The following CENPP variants were observed in gnomAD, a reference collection of about 807,000 sequenced individuals.
The protein encoded by CENPP is centromere protein P.
In CENPP, 24 loss-of-function variants were observed where a neutral mutation model predicts 35.6. The observed-to-expected ratio is 0.67, with a 90% CI of 0.49 to 0.95. The LOEUF is 0.95. Among genes scored for constraint, CENPP ranks in the 40% least tolerant of loss-of-function variants. The pLI is 0.00. For synonymous variants in CENPP, 120 were observed against 125.5 expected, an observed-to-expected ratio of 0.96 and a Z score of 0.29; for missense variants, 332 against 345.3, an observed-to-expected ratio of 0.96 and a Z score of 0.31.
chr9:92,499,070 A>G (rs1484186731), intron 5 of CENPP, among the ~76,000 whole-genome samples: 1 of 152,222 alleles, frequency 6.6e-6, no homozygotes, highest in African/African-American at 2.4e-5. Context: ...GGTCTGCAGT[A>G]GGTAATGCAG....
intron 5 of CENPP, among the ~76,000 whole-genome samples, chr9:92,443,236 A>C (rs1844466186): frequency 6.6e-6 from 1 of 152,256 alleles, no homozygotes; most frequent in African/African-American, 2.4e-5. Context: ...CAGTGTAATC[A>C]GCAGGATTTA....
intron 4 of CENPP, among the ~76,000 whole-genome samples, chr9:92,361,128 C>CTTTATTTATTTATTTATTTATTTA (rs536927713): frequency 8.4e-4 from 126 of 150,586 alleles, no homozygotes; most frequent in Non-Finnish European, 1.6e-3. Context: ...TATTATTTTA[C>CTTTATTTATTTATTTATTTATTTA]TTTATTTATT....
chr9:92,400,708 T>C (rs535467965), intron 5 of CENPP, among the ~76,000 whole-genome samples: 83 of 152,372 alleles, frequency 5.4e-4, no homozygotes, highest in African/African-American at 1.9e-3. Flanking sequence ...TGTGTAATTA[T>C]TGATGTATAT....
chr9:92,546,538 A>G (rs140372493), intron 5 of CENPP, among the ~76,000 whole-genome samples: 2,320 of 152,058 alleles, frequency 0.015, 44 homozygotes, highest in African/African-American at 0.053. Flanking sequence ...TGTAATAGTC[A>G]ACGCCAAGGT....
intron 5 of CENPP, chr9:92,515,104 T>A (rs1388319679): frequency 6.2e-7 from 1 of 1,613,950 alleles, no homozygotes; most frequent in African/African-American, 1.3e-5. Context: ...AGGTGGCAGT[T>A]GCTTATGAAG....
At chr9:92,387,378 GA>G (rs574588556) in intron 5 of CENPP, among the ~76,000 whole-genome samples, 4,980 of 117,000 alleles carry the variant, frequency 0.043, 107 homozygotes, top group South Asian at 0.1. Context: ...TCCATCTCAA[GA>G]AAAAAAAAAA....
chr9:92,507,932 G>A (rs1260778003), intron 5 of CENPP, among the ~76,000 whole-genome samples: 2 of 152,076 alleles, frequency 1.3e-5, no homozygotes, highest in African/African-American at 4.8e-5. Flanking sequence ...CACCTTCACC[G>A]TGCCTGCTTG....
intron 5 of CENPP, among the ~76,000 whole-genome samples, chr9:92,530,492 T>C (rs1848679619): frequency 6.6e-6 from 1 of 152,196 alleles, no homozygotes; most frequent in Non-Finnish European, 1.5e-5. Context: ...AGAATATCAA[T>C]AAGGATTTTA....
intron 4 of CENPP, among the ~76,000 whole-genome samples, chr9:92,376,061 C>A (rs1842119200): frequency 6.6e-6 from 1 of 152,180 alleles, no homozygotes; most frequent in Non-Finnish European, 1.5e-5. Flanking sequence ...TCTTTCACAA[C>A]CCTGCCTTAG....
intron 5 of CENPP, chr9:92,389,541 G>A (rs185760149): frequency 1.1e-4 from 20 of 187,488 alleles, no homozygotes; most frequent in Admixed American, 1.2e-4. Flanking sequence ...TTGAGCTTTC[G>A]TAGACTGTAA....
intron 5 of CENPP, among the ~76,000 whole-genome samples, chr9:92,474,191 A>G (rs1179126986): frequency 6.6e-6 from 1 of 152,264 alleles, no homozygotes; most frequent in Non-Finnish European, 1.5e-5. Context: ...ATAAAGCATT[A>G]TCTTTAAAAG....
chr9:92,554,703 T>C (rs950123094), intron 5 of CENPP, among the ~76,000 whole-genome samples: 3 of 152,096 alleles, frequency 2.0e-5, no homozygotes, highest in Non-Finnish European at 4.4e-5. Context: ...AGTGGCACAA[T>C]CTCGGTTTAC....
chr9:92,529,811 T>C (rs1190518023), intron 5 of CENPP, among the ~76,000 whole-genome samples: 2 of 152,158 alleles, frequency 1.3e-5, no homozygotes, highest in Non-Finnish European at 2.9e-5. Context: ...GAGGGATGAA[T>C]AGGTGGAACA....
At chr9:92,457,392 T>C (rs1404454630) in intron 5 of CENPP, 31 of 1,613,754 alleles carry the variant, frequency 1.9e-5, no homozygotes, top group Non-Finnish European at 2.5e-5. Context: ...AATAAACTTA[T>C]TGCACTGTAT....
At chr9:92,507,489 G>A (rs1280571511) in intron 5 of CENPP, among the ~76,000 whole-genome samples, 1 of 152,192 alleles carries the variant, frequency 6.6e-6, no homozygotes, top group Non-Finnish European at 1.5e-5. Flanking sequence ...ATAGGAAATA[G>A]GAGGTAACAG....
chr9:92,619,526 A>T lies in CENPP; in HGVS notation c.*6377A>T. The T allele has an allele frequency of 6.3e-7, 1 of 1,593,392 alleles. No individual in the cohort carries two copies. Among genetic ancestry groups the T allele is most frequent in the South Asian group, 1.1e-5 (1 of 86,964 alleles). ...CAGGGAGACAGTGCAATCATGATGG[A>T]GCAGTCCTTGGCAGTCATGGCGACG... is the stretch of plus-strand genomic sequence containing the variant. On this transcript the variant is annotated 3_prime_UTR_variant, in exon 8 of 8. Transcript: ENST00000375587.
At chr9:92,564,994 TA>T (rs536975282) in intron 5 of CENPP, among the ~76,000 whole-genome samples, 44 of 152,262 alleles carry the variant, frequency 2.9e-4, no homozygotes, top group African/African-American at 5.1e-4. Flanking sequence ...ATAAAGTAGT[TA>T]AAAAAATTAC....
intron 5 of CENPP, among the ~76,000 whole-genome samples, chr9:92,429,464 C>T (rs1345186959): frequency 1.3e-5 from 2 of 152,188 alleles, no homozygotes; most frequent in Admixed American, 1.3e-4. Context: ...TTATCCTTAA[C>T]TCAGCATCTG....
intron 3 of CENPP, among the ~76,000 whole-genome samples, chr9:92,343,786 A>G (rs1029049283): frequency 2.0e-5 from 3 of 152,020 alleles, no homozygotes; most frequent in Admixed American, 2.0e-4. Context: ...TCTCTAAAAA[A>G]TATATATTTT....
Sources: allele counts gnomAD v4.1 joint callset (sites outside exome capture counted in the v4.1 genomes callset), GRCh38; gene constraint gnomAD v4.1.1; transcripts MANE v1.5; gene names NCBI Gene and HGNC (gene_info 2026-07-23, HGNC 2026-07-21).